Variants in NDST3 observed in about 807,000 individuals in gnomAD.
NDST3 encodes the protein bifunctional heparan sulfate N-deacetylase/N-sulfotransferase 3.
In NDST3, 58 loss-of-function variants were observed where a neutral mutation model predicts 96.1. That is an observed-to-expected ratio of 0.60 (90% CI 0.49 to 0.75). NDST3 has a LOEUF of 0.75. Among genes scored for constraint, NDST3 ranks in the 30% least tolerant of loss-of-function variants. The pLI, the probability that NDST3 is intolerant of heterozygous loss-of-function variation, is 0.00. For synonymous variants in NDST3, 333 were observed against 359.7 expected (o/e 0.93, Z 0.84); for missense variants, 788 against 1,034.2 (o/e 0.76, Z 3.27).
intron 13 of NDST3, 87 bp downstream of exon 13, chr4:118,253,688 C>A (rs1741918419): frequency 2.2e-6 from 2 of 895,068 alleles, no homozygotes; most frequent in Non-Finnish European, 3.4e-6. Flanking sequence ...TAGTTAAAGT[C>A]AAAATTCAGC....
At chr4:118,074,868 CTT>C (rs1727380875) in intron 2 of NDST3, among the ~76,000 whole-genome samples, 1 of 151,868 alleles carries the variant, frequency 6.6e-6, no homozygotes, top group Admixed American at 6.6e-5. Context: ...CAGCAAAAGA[CTT>C]TCATTTCCAT....
intron 6 of NDST3, among the ~76,000 whole-genome samples, chr4:118,195,152 C>T (rs927352129): frequency 6.6e-6 from 1 of 152,066 alleles, no homozygotes; most frequent in African/African-American, 2.4e-5. Context: ...ATGTATTTCT[C>T]TTTTTTGGTG....
chr4:118,048,916 A>G (rs1724919485), intron 1 of NDST3, among the ~76,000 whole-genome samples: 1 of 152,120 alleles, frequency 6.6e-6, no homozygotes, highest in Non-Finnish European at 1.5e-5. Flanking sequence ...ACAACCACAA[A>G]ATACACATAT....
chr4:118,035,846 A>T (rs1168897044), intron 1 of NDST3, among the ~76,000 whole-genome samples: 1 of 152,020 alleles, frequency 6.6e-6, no homozygotes, highest in African/African-American at 2.4e-5. Flanking sequence ...TTTTCTTCAT[A>T]GTCTTTAAAA....
chr4:118,173,492 A>C (rs1361832324), intron 6 of NDST3, among the ~76,000 whole-genome samples: 1 of 152,144 alleles, frequency 6.6e-6, no homozygotes, highest in South Asian at 2.1e-4. Flanking sequence ...GGAATGCTAG[A>C]GCAATAGCAA....
intron 4 of NDST3, among the ~76,000 whole-genome samples, chr4:118,116,154 C>T (rs754875545): frequency 2.0e-5 from 3 of 152,182 alleles, no homozygotes; most frequent in Non-Finnish European, 4.4e-5. Context: ...TATCTCAAAA[C>T]AGCAGACATT....
chr4:118,249,731 T>TACACACACACAC (rs60479821), intron 12 of NDST3, among the ~76,000 whole-genome samples: 393 of 145,592 alleles, frequency 2.7e-3, no homozygotes, highest in Middle Eastern at 0.011. Context: ...CAGCCCCACA[T>TACACACACACAC]ACACACACAC....
chr4:118,068,015 A>T (rs1290569108), intron 2 of NDST3, among the ~76,000 whole-genome samples: 1 of 152,030 alleles, frequency 6.6e-6, no homozygotes, highest in Admixed American at 6.6e-5. Context: ...CTATGAGAGT[A>T]ATTAATTATC....
At chr4:118,203,958 C>G (rs927574791) in intron 6 of NDST3, among the ~76,000 whole-genome samples, 1 of 152,080 alleles carries the variant, frequency 6.6e-6, no homozygotes, top group East Asian at 1.9e-4. Flanking sequence ...TGAAATATTG[C>G]CATTTTCTAC....
chr4:118,250,832 T>G (rs1256223380), intron 12 of NDST3, among the ~76,000 whole-genome samples: 3 of 152,094 alleles, frequency 2.0e-5, no homozygotes, highest in African/African-American at 7.2e-5. Context: ...TCTTTTATAG[T>G]GAGTTATATA....
intron 1 of NDST3, among the ~76,000 whole-genome samples, chr4:118,036,842 C>T (rs1013081924): frequency 2.6e-5 from 4 of 152,128 alleles, no homozygotes; most frequent in Admixed American, 2.0e-4. Flanking sequence ...AATTATTTCC[C>T]CAAATCTTCT....
chr4:118,159,862 C>A (rs1734969700), intron 6 of NDST3, among the ~76,000 whole-genome samples: 1 of 151,922 alleles, frequency 6.6e-6, no homozygotes, highest in African/African-American at 2.4e-5. Context: ...TGAAATTGCC[C>A]AGGGAGCAAA....
At chr4:118,208,930 C>G (rs1019065355) in intron 6 of NDST3, among the ~76,000 whole-genome samples, 2 of 140,430 alleles carry the variant, frequency 1.4e-5, no homozygotes, top group Admixed American at 1.4e-4. Flanking sequence ...ATAACCCTCT[C>G]CCCCCAGAGT....
In NDST3 at chr4:118,224,581, T is replaced by C; in HGVS notation, c.1630T>C (p.Trp544Arg). 6.2e-7 allele frequency: 1 copy of C among 1,613,242 alleles called. No individual in the cohort carries two copies. Reference sequence around the variant, plus strand: ...TAATCTGGCCAACTTTGTGAAGAGCTGGACCAACCTGCGACTTCAGACTCT... The same window carrying C: ...TAATCTGGCCAACTTTGTGAAGAGCCGGACCAACCTGCGACTTCAGACTCT... ...FVNLANFVKS[W>R]TNLRLQTLPP... is the part of the protein sequence containing the mutation. The change falls in exon 7 of 14, where the codon TGG becomes CGG. Residue 544 changes from tryptophan to arginine, a missense_variant. Around this residue, in one of 3 missense-constraint regions of NDST3, gnomAD observed 490 missense variants for 708.8 expected, o/e 0.69. Coordinates refer to ENST00000296499, the MANE Select transcript of NDST3 (RefSeq NM_004784.3).
chr4:118,193,834 G>A (rs1483938709), intron 6 of NDST3: 9 of 1,366,354 alleles, frequency 6.6e-6, no homozygotes, highest in South Asian at 1.3e-5. Context: ...CCAGTTGAAG[G>A]GCCTGTGCCT....
chr4:118,091,320 C>A (rs1255226255), intron 2 of NDST3, among the ~76,000 whole-genome samples: 1 of 151,688 alleles, frequency 6.6e-6, no homozygotes, highest in African/African-American at 2.4e-5. Flanking sequence ...ATTTAGGGAT[C>A]ATTAGCAGAT....
rs552252600 is a variant in NDST3, at chr4:118,117,536, G to A, written c.1224+2576G>A. Among the ~76,000 whole-genome samples, 23 of 152,158 alleles carry A rather than the reference G, an allele frequency of 1.5e-4. No individual in the cohort carries two copies. In the South Asian group the frequency reaches 4.4e-3, roughly 29 times the overall value. Reference sequence around the variant, plus strand: ...ATTAGGGTTACAAAACTGCATTGTTGCTGACTTTAAAGATATAATAAGAAA... The same window carrying A: ...ATTAGGGTTACAAAACTGCATTGTTACTGACTTTAAAGATATAATAAGAAA... On this transcript the variant is annotated intron_variant, in intron 4 of 13. Transcript: ENST00000296499.
intron 2 of NDST3, among the ~76,000 whole-genome samples, chr4:118,094,029 A>C (rs1729095906): frequency 6.6e-6 from 1 of 151,796 alleles, no homozygotes; most frequent in Non-Finnish European, 1.5e-5. Context: ...TTATAAGGTC[A>C]TTGATCCCAA....
intron 2 of NDST3, among the ~76,000 whole-genome samples, chr4:118,058,374 C>T (rs367942893): frequency 9.3e-5 from 13 of 140,094 alleles, no homozygotes; most frequent in African/African-American, 3.3e-4. Flanking sequence ...TCCTCAAAGC[C>T]ACAGAAGAAA....
Sources: gnomAD v4.1 joint callset for allele counts (sites outside exome capture counted in the v4.1 genomes callset) on GRCh38, gnomAD v4.1.1 for gene constraint, gnomAD v4.1.1 regional missense constraint, MANE v1.5 for transcripts, NCBI Gene and HGNC (gene_info 2026-07-23, HGNC 2026-07-21) for gene names.